The following PTGS1 variants were observed in gnomAD, a reference collection of about 807,000 sequenced individuals.
PTGS1 encodes the protein prostaglandin-endoperoxide synthase 1.
Under a neutral mutation model 63.0 loss-of-function variants are expected in PTGS1, and 40 were observed. That is an observed-to-expected ratio of 0.63 (90% CI 0.49 to 0.83). PTGS1 has a LOEUF of 0.83. PTGS1 is among the 40% of genes least tolerant of loss of function. The pLI, the probability that PTGS1 is intolerant of heterozygous loss-of-function variation, is 0.00. For synonymous variants in PTGS1, 298 were observed against 301.9 expected, an observed-to-expected ratio of 0.99 and a Z score of 0.13; for missense variants, 709 against 786.5, an observed-to-expected ratio of 0.90 and a Z score of 1.18.
rs536860159 is a variant in PTGS1, at chr9:122,371,437, C to A, written c.94+165C>A. On this transcript the variant is annotated intron_variant, in intron 2 of 10. Transcript: ENST00000362012. ...GGTGGGATGGGGGCTCCCTGAAGCC[C>A]CCCCGGCGGTGTGGCCTTGGCTAAT... Among the ~76,000 whole-genome samples the A allele has an allele frequency of 9.4e-4, 143 of 152,346 alleles. 1 individual carries two copies. The highest frequency in any genetic ancestry group is 3.4e-3 in the Middle Eastern group (1 of 294).
At chr9:122,375,890 G>C (rs571155376) in intron 2 of PTGS1, among the ~76,000 whole-genome samples, 1 of 152,220 alleles carries the variant, frequency 6.6e-6, no homozygotes, top group East Asian at 1.9e-4. Flanking sequence ...TGAGCCTAGG[G>C]GAGGCCTAAC....
intron 4 of PTGS1, 33 bp downstream of exon 4, chr9:122,378,606 G>C (rs1387787493): frequency 8.7e-6 from 14 of 1,613,972 alleles, no homozygotes; most frequent in Non-Finnish European, 1.7e-6. Flanking sequence ...TGACCTGGGG[G>C]AGCAAGCAAG....
chr9:122,388,646 T>G (rs908527571), intron 9 of PTGS1, among the ~76,000 whole-genome samples: 2 of 152,170 alleles, frequency 1.3e-5, no homozygotes, highest in Non-Finnish European at 2.9e-5. Flanking sequence ...GAATTCAAGG[T>G]GTCAGCAGTG....
In PTGS1 at chr9:122,371,238, C is replaced by G. The variant is rs1163125929; in HGVS notation, c.60C>G (p.Pro20=). 1 of 1,607,370 alleles carries G rather than the reference C, an allele frequency of 6.2e-7. No individual in the cohort carries two copies. The highest frequency in any genetic ancestry group is 8.5e-7 in the Non-Finnish European group (1 of 1,179,944). ...TCCTGCTCCTGCTCCCGCCGCTCCC[C>G]GTCCTGCTCGCGGACCCAGGGGCGC... The part of the protein sequence containing the change: ...LLFLLLLPPL[P]VLLADPGAPT... Residue 20 remains proline, a synonymous_variant, in exon 2 of 11, where the codon CCC becomes CCG. Coordinates refer to ENST00000362012, the MANE Select transcript of PTGS1 (RefSeq NM_000962.4).
Position 122,389,339 on chromosome 9 carries a change from C to T in PTGS1, c.1297-859C>T, listed in dbSNP as rs1368157570. On this transcript the variant is annotated intron_variant, in intron 9 of 10. Transcript: ENST00000362012. ...CTAATTTTTGTATTTTTAGTAGAGA[C>T]GAGTCTTTGCCATGTTGGCCAGGCT... is the stretch of plus-strand genomic sequence containing the variant. Among the ~76,000 whole-genome samples the T allele has an allele frequency of 9.9e-5, 15 of 151,708 alleles. No individual in the cohort carries two copies. In the East Asian group the frequency reaches 1.9e-3, roughly 20 times the overall value.
chr9:122,374,333 C>T (rs549000435), intron 2 of PTGS1, among the ~76,000 whole-genome samples: 50 of 152,176 alleles, frequency 3.3e-4, no homozygotes, highest in African/African-American at 9.9e-4. Context: ...GCCTGGACGT[C>T]GAAAGGAAGG....
At chr9:122,389,222 C>G (rs1403365313) in intron 9 of PTGS1, among the ~76,000 whole-genome samples, 12 of 135,986 alleles carry the variant, frequency 8.8e-5, no homozygotes, top group Middle Eastern at 5.6e-3. Flanking sequence ...GTGATTTTGG[C>G]TCACTGTAAC....
At chr9:122,370,886 G>A (rs1836753892), upstream of PTGS1, 2 of 845,520 alleles carry the variant, frequency 2.4e-6, no homozygotes, top group Non-Finnish European at 3.6e-6. Context: ...CTTTAGCGGC[G>A]AGCATACACT....
chr9:122,374,231 T>C (rs757751258), intron 2 of PTGS1, among the ~76,000 whole-genome samples: 2 of 151,866 alleles, frequency 1.3e-5, no homozygotes, highest in Non-Finnish European at 2.9e-5. Context: ...TGAGAGCAAA[T>C]GGGAAGGTTC....
chr9:122,391,142 A>G (rs1465946220), intron 10 of PTGS1, among the ~76,000 whole-genome samples: 2 of 151,076 alleles, frequency 1.3e-5, no homozygotes, highest in Non-Finnish European at 2.9e-5. Context: ...AAGATACCAA[A>G]TCTCAGATGC....
upstream of PTGS1, chr9:122,370,955 A>G (rs1836757120): frequency 1.4e-6 from 2 of 1,422,380 alleles, no homozygotes; most frequent in Non-Finnish European, 9.4e-7. Flanking sequence ...AGCCGAGGTG[A>G]CAGCTGGAGG....
rs1836764216 is a variant in PTGS1 at position 122,371,050 on chromosome 9, C to T, written c.-35C>T. 1.3e-6 allele frequency: 2 copies of T among 1,581,376 alleles called. No homozygotes were observed. The highest frequency in any genetic ancestry group is 1.7e-6 in the Non-Finnish European group (2 of 1,171,442). On this transcript the variant is annotated 5_prime_UTR_variant, in exon 1 of 11. Transcript: ENST00000362012. The stretch of plus-strand genomic sequence containing the variant: ...GTGTGCGAGGCGCACGCACAGGAGC[C>T]TGCACTCTGCGTCCCGCACCCCAGC...
chr9:122,370,666 C>A, upstream of PTGS1: 1 of 332,438 alleles, frequency 3.0e-6, no homozygotes, highest in Non-Finnish European at 5.6e-6. Flanking sequence ...GTGCGTTAGA[C>A]CCATTTTACA....
intron 2 of PTGS1, among the ~76,000 whole-genome samples, chr9:122,374,368 C>T (rs1836988829): frequency 6.6e-6 from 1 of 152,116 alleles, no homozygotes; most frequent in Admixed American, 6.5e-5. Flanking sequence ...CCTGCTAAAC[C>T]CCCTTCATGG....
At chr9:122,390,414 AGGAAATAGAACG>A in intron 10 of PTGS1, 69 bp downstream of exon 10, 1 of 1,541,908 alleles carries the variant, frequency 6.5e-7, no homozygotes, top group South Asian at 1.2e-5. Flanking sequence ...GGAGACATCA[AGGAAATAGAACG>A]GGACAATACA....
chr9:122,378,370 C>T (rs1338358457), intron 3 of PTGS1, 63 bp from the exon 4 acceptor site: 4 of 1,604,198 alleles, frequency 2.5e-6, no homozygotes, highest in Admixed American at 3.3e-5. Context: ...CCCCATCTTC[C>T]ACCCTGGCTA....
Position 122,384,099 on chromosome 9 carries a change from C to T in PTGS1, c.1009+344C>T, listed in dbSNP as rs374827023. On this transcript the variant is annotated intron_variant, in intron 8 of 10. Coordinates refer to ENST00000362012, the MANE Select transcript of PTGS1 (RefSeq NM_000962.4). ...GAGTCTCGGTTTCCCCTGTGTGCTGCGCCCGGATGCATACTTGTGGTCCCC... is the reference window on the plus strand; with the variant it reads ...GAGTCTCGGTTTCCCCTGTGTGCTGTGCCCGGATGCATACTTGTGGTCCCC... Among the ~76,000 whole-genome samples the T allele has an allele frequency of 2.6e-5, 4 of 152,118 alleles. No individual in the cohort carries two copies. In the East Asian group the frequency reaches 7.7e-4, roughly 29 times the overall value.
intron 2 of PTGS1, among the ~76,000 whole-genome samples, chr9:122,374,191 T>A (rs1836975386): frequency 6.6e-6 from 1 of 152,224 alleles, no homozygotes; most frequent in South Asian, 2.1e-4. Flanking sequence ...GTGCTGATCA[T>A]CTCTGCCTCC....
intron 10 of PTGS1, among the ~76,000 whole-genome samples, chr9:122,391,842 C>T (rs1235350895): frequency 6.6e-6 from 1 of 152,042 alleles, no homozygotes. Flanking sequence ...GTGAAGGAAG[C>T]CAGATGGGGA....
Sources: allele counts gnomAD v4.1 joint callset (sites outside exome capture counted in the v4.1 genomes callset), GRCh38; gene constraint gnomAD v4.1.1; transcripts MANE v1.5; gene names NCBI Gene and HGNC (gene_info 2026-07-23, HGNC 2026-07-21).